USP3: variants seen among roughly 807,000 people sequenced by gnomAD.
USP3 encodes the protein ubiquitin carboxyl-terminal hydrolase 3.
USP3 carries 20 observed loss-of-function variants against 72.3 expected under a neutral mutation model. The ratio of observed to expected loss-of-function variants is 0.28; its 90% confidence interval spans 0.19 to 0.40. The LOEUF is 0.40. Ranked by LOEUF, USP3 falls within the 10% of genes least tolerant of loss-of-function variation. The pLI is 1.00. For synonymous variants in USP3, 222 were observed against 225.3 expected (o/e 0.99, Z 0.13); for missense variants, 479 against 633.9 (o/e 0.76, Z 2.62).
At chr15:63,526,608 A>T (rs577984021) in intron 1 of USP3, among the ~76,000 whole-genome samples, 2 of 152,302 alleles carry the variant, frequency 1.3e-5, no homozygotes, top group South Asian at 2.1e-4. Context: ...TCACTGTTGT[A>T]GCAGCATGTT....
chr15:63,505,631 C>G (rs2065702573), intron 1 of USP3, among the ~76,000 whole-genome samples: 1 of 152,194 alleles, frequency 6.6e-6, no homozygotes, highest in Non-Finnish European at 1.5e-5. Context: ...GTAGCTTAAG[C>G]GTTTTAACTC....
rs568921763 is a variant in USP3 at position 63,554,578 on chromosome 15, G to A, written c.368+780G>A. On this transcript the variant is annotated intron_variant, in intron 4 of 14. Coordinates refer to ENST00000380324, the MANE Select transcript of USP3 (RefSeq NM_006537.4). ...CATCTAATTTATTTTGGCAGTTGAT[G>A]TGTAGAAGGTATTGTGAAAACATCC... Among the ~76,000 whole-genome samples the A allele has an allele frequency of 3.3e-5, 5 of 152,312 alleles. No homozygotes were observed. The South Asian group carries it at 1.0e-3, about 32-fold the overall frequency.
chr15:63,559,343 A>G (rs1006620527), intron 6 of USP3, among the ~76,000 whole-genome samples: 1 of 152,210 alleles, frequency 6.6e-6, no homozygotes, highest in African/African-American at 2.4e-5. Flanking sequence ...GATCTTCCCA[A>G]GGTTACATTG....
intron 1 of USP3, among the ~76,000 whole-genome samples, chr15:63,520,504 A>C (rs1467580991): frequency 1.4e-5 from 2 of 146,228 alleles, no homozygotes; most frequent in Non-Finnish European, 3.0e-5. Flanking sequence ...CTTTTAATAC[A>C]CTTATTTAAC....
chr15:63,525,038 G>A (rs1030778598), intron 1 of USP3, among the ~76,000 whole-genome samples: 6 of 152,166 alleles, frequency 3.9e-5, no homozygotes, highest in African/African-American at 1.2e-4. Context: ...ACCAGCAAAT[G>A]TAAGCCTACT....
intron 8 of USP3, among the ~76,000 whole-genome samples, chr15:63,569,513 G>A (rs2066746533): frequency 6.6e-6 from 1 of 152,212 alleles, no homozygotes; most frequent in South Asian, 2.1e-4. Flanking sequence ...AGTAGTGGGA[G>A]TTTTGAATCT....
intron 1 of USP3, among the ~76,000 whole-genome samples, chr15:63,531,420 T>C (rs1050400773): frequency 3.9e-5 from 6 of 152,210 alleles, no homozygotes; most frequent in Admixed American, 2.6e-4. Flanking sequence ...ACAGAAATTA[T>C]GTAAAAACTC....
chr15:63,580,119 G>T (rs74018133), intron 11 of USP3, among the ~76,000 whole-genome samples: 17,726 of 152,066 alleles, frequency 0.12, 1,059 homozygotes, highest in Middle Eastern at 0.14. Flanking sequence ...TTAATAAATT[G>T]CATTATGTGG....
At chr15:63,540,662 T>C (rs1036735260) in intron 3 of USP3, among the ~76,000 whole-genome samples, 1 of 152,132 alleles carries the variant, frequency 6.6e-6, no homozygotes, top group African/African-American at 2.4e-5. Context: ...TCCACCTTGA[T>C]GTAAACAGGA....
chr15:63,590,858 A>G lies in USP3; in HGVS notation c.*32A>G. On this transcript the variant is annotated 3_prime_UTR_variant, in exon 15 of 15. Transcript: ENST00000380324. The stretch of plus-strand genomic sequence containing the variant: ...CTCCAAATCATCATTCACCAACCAT[A>G]CCAGAGAAACATTTCCAGTTTTCCA... The G allele has an allele frequency of 6.4e-7, 1 of 1,569,416 alleles. No individual in the cohort carries two copies. The highest frequency in any genetic ancestry group is 8.6e-7 in the Non-Finnish European group (1 of 1,157,362).
At chr15:63,535,064 G>A (rs1366100873) in intron 2 of USP3, among the ~76,000 whole-genome samples, 1 of 152,004 alleles carries the variant, frequency 6.6e-6, no homozygotes, top group Non-Finnish European at 1.5e-5. Context: ...CCCAAGTAGT[G>A]GGATTACAGG....
At chr15:63,579,679 C>T (rs900146375) in intron 11 of USP3, among the ~76,000 whole-genome samples, 6 of 151,960 alleles carry the variant, frequency 3.9e-5, no homozygotes, top group Non-Finnish European at 7.4e-5. Context: ...TAATGGGAAA[C>T]GTTTCATAAA....
chr15:63,519,877 A>G (rs568939628), intron 1 of USP3, among the ~76,000 whole-genome samples: 1 of 152,114 alleles, frequency 6.6e-6, no homozygotes, highest in South Asian at 2.1e-4. Context: ...TTTTTATTCT[A>G]AGGTACTCAT....
intron 6 of USP3, 119 bp from the exon 7 acceptor site, chr15:63,559,738 C>T (rs546276036): frequency 2.3e-4 from 177 of 762,638 alleles, no homozygotes; most frequent in Non-Finnish European, 3.5e-4. Context: ...GCACTGAGTA[C>T]AGTTTAAATG....
At chr15:63,550,281 G>A (rs143223616) in intron 3 of USP3, among the ~76,000 whole-genome samples, 25 of 152,206 alleles carry the variant, frequency 1.6e-4, no homozygotes, top group Admixed American at 1.6e-3. Context: ...GCCTCCCAAA[G>A]TGCTGGGATT....
intron 5 of USP3, 168 bp downstream of exon 5, chr15:63,556,916 G>T (rs940455993): frequency 1.8e-6 from 1 of 546,880 alleles, no homozygotes; most frequent in Non-Finnish European, 3.3e-6. Context: ...TTGTTGCCGT[G>T]ACCCCAGTGA....
chr15:63,525,619 C>T (rs995240317), intron 1 of USP3, among the ~76,000 whole-genome samples: 1 of 152,152 alleles, frequency 6.6e-6, no homozygotes, highest in Non-Finnish European at 1.5e-5. Flanking sequence ...TTTCAAGGGA[C>T]TCAAGTTATA....
chr15:63,545,884 T>G (rs530484151), intron 3 of USP3, among the ~76,000 whole-genome samples: 7 of 142,870 alleles, frequency 4.9e-5, no homozygotes, highest in African/African-American at 1.6e-4. Flanking sequence ...GGTAGGAGTA[T>G]GGCTTGAGCC....
intron 3 of USP3, among the ~76,000 whole-genome samples, chr15:63,546,504 G>T (rs1407764231): frequency 1.3e-5 from 2 of 152,156 alleles, no homozygotes; most frequent in Non-Finnish European, 2.9e-5. Context: ...AGTGTCTGAG[G>T]TATGCATAAT....
Sources: gnomAD v4.1 joint callset for allele counts (sites outside exome capture counted in the v4.1 genomes callset) on GRCh38, gnomAD v4.1.1 for gene constraint, MANE v1.5 for transcripts, NCBI Gene and HGNC (gene_info 2026-07-23, HGNC 2026-07-21) for gene names.